The following CRADD variants were observed in gnomAD, a reference collection of about 807,000 sequenced individuals.
The protein encoded by CRADD is death domain-containing protein CRADD.
In CRADD, 9 loss-of-function variants were observed where a neutral mutation model predicts 15.5. The ratio of observed to expected loss-of-function variants is 0.58; its 90% CI spans 0.35 to 1.01. The LOEUF is 1.01. Ranked by LOEUF, CRADD falls within the 50% of genes least tolerant of loss-of-function variation. The pLI is 0.02. For synonymous variants in CRADD, 118 were observed against 107.6 expected, an observed-to-expected ratio of 1.10 and a Z score of -0.60; for missense variants, 227 against 250.3, an observed-to-expected ratio of 0.91 and a Z score of 0.63.
At chr12:93,735,653 C>T (rs781227469) in intron 2 of CRADD, 4 of 152,142 alleles carry the variant, frequency 2.6e-5, no homozygotes, top group Non-Finnish European at 5.9e-5. Context: ...GTAATCCCAG[C>T]ACTTTGGGAG....
chr12:93,689,547 C>T (rs1955518603), intron 2 of CRADD, among the ~76,000 whole-genome samples: 1 of 152,122 alleles, frequency 6.6e-6, no homozygotes. Context: ...GCAGGTTTTA[C>T]TCCTAGGCTT....
At chr12:93,808,625 G>A (rs1957576947) in intron 2 of CRADD, among the ~76,000 whole-genome samples, 1 of 152,084 alleles carries the variant, frequency 6.6e-6, no homozygotes, top group African/African-American at 2.4e-5. Context: ...ACATTGTCAG[G>A]TCACAGTATT....
chr12:93,858,437 T>A (rs531656741), intron 2 of CRADD, among the ~76,000 whole-genome samples: 2 of 152,350 alleles, frequency 1.3e-5, no homozygotes, highest in African/African-American at 4.8e-5. Context: ...GGCAGAAGAT[T>A]TCTTAACATC....
intron 2 of CRADD, among the ~76,000 whole-genome samples, chr12:93,710,716 G>A (rs1956050287): frequency 6.6e-6 from 1 of 152,106 alleles, no homozygotes; most frequent in Non-Finnish European, 1.5e-5. Context: ...TGGTCAAAAT[G>A]AGTCACAAGG....
chr12:93,751,509 A>G (rs1432345988), intron 2 of CRADD, among the ~76,000 whole-genome samples: 2 of 152,246 alleles, frequency 1.3e-5, no homozygotes, highest in Admixed American at 1.3e-4. Context: ...AAACTTCCCA[A>G]TCACTGCTTA....
intron 2 of CRADD, among the ~76,000 whole-genome samples, chr12:93,742,339 G>A (rs1208299660): frequency 2.0e-5 from 3 of 151,894 alleles, no homozygotes; most frequent in Non-Finnish European, 4.4e-5. Context: ...ACTGGTGAGT[G>A]CGGGGGCGCT....
intron 2 of CRADD, among the ~76,000 whole-genome samples, chr12:93,728,724 A>G (rs559989138): frequency 6.6e-6 from 1 of 152,352 alleles, no homozygotes; most frequent in South Asian, 2.1e-4. Context: ...AGAAAAAGTT[A>G]TAGCCTTAAG....
chr12:93,757,480 C>A (rs1956904386), intron 2 of CRADD, among the ~76,000 whole-genome samples: 1 of 152,222 alleles, frequency 6.6e-6, no homozygotes, highest in African/African-American at 2.4e-5. Context: ...GTGATACCCA[C>A]AAGCCTCCTG....
At chr12:93,746,797 T>G (rs994084075) in intron 2 of CRADD, among the ~76,000 whole-genome samples, 34 of 151,822 alleles carry the variant, frequency 2.2e-4, no homozygotes, top group African/African-American at 7.5e-4. Context: ...TTTTTTTTTT[T>G]GAAGAAGGAA....
chr12:93,861,974 G>T (rs577302295), intron 2 of CRADD, among the ~76,000 whole-genome samples: 1 of 152,058 alleles, frequency 6.6e-6, no homozygotes, highest in African/African-American at 2.4e-5. Flanking sequence ...TACTTTTCTC[G>T]TGGTAGTGAG....
Position 93,850,348 on chromosome 12 carries a change from G to A in CRADD, c.*77G>A, listed in dbSNP as rs982366717. ...ATCCTGACTTTCACTCAGAGCAGGT[G>A]GTTTTTTGTGTAGGTTTGTTTTTTA... On this transcript the variant is annotated 3_prime_UTR_variant, in exon 3 of 3. Transcript: ENST00000332896. This position sits in a 1 kb window ranked among gnomAD's most constrained non-coding sequence, Gnocchi z 4.0. 31 of 1,490,802 alleles carry A rather than the reference G, an allele frequency of 2.1e-5. No individual in the cohort carries two copies. The highest frequency in any genetic ancestry group is 2.6e-5 in the Non-Finnish European group (29 of 1,125,918). 92.3% of individuals were successfully genotyped at this position (1,490,802 alleles called of 1,614,324 possible).
At chr12:93,854,650 C>G (rs749765902), downstream of CRADD, among the ~76,000 whole-genome samples, 1 of 152,132 alleles carries the variant, frequency 6.6e-6, no homozygotes, top group Non-Finnish European at 1.5e-5. Context: ...CCTTGAATCA[C>G]AGTAACAGGC....
At chr12:93,797,659 T>C (rs1007959545) in intron 2 of CRADD, among the ~76,000 whole-genome samples, 3 of 152,174 alleles carry the variant, frequency 2.0e-5, no homozygotes, top group Admixed American at 6.5e-5. Flanking sequence ...ACCACCGCAA[T>C]AGGTAACTCA....
At chr12:93,737,078 G>A (rs1254685011) in intron 2 of CRADD, among the ~76,000 whole-genome samples, 4 of 152,228 alleles carry the variant, frequency 2.6e-5, no homozygotes, top group Non-Finnish European at 5.9e-5. Context: ...ACTGGTCTGG[G>A]ATAGTTGAGG....
intron 2 of CRADD, among the ~76,000 whole-genome samples, chr12:93,717,566 C>T (rs1956184117): frequency 1.3e-5 from 2 of 152,166 alleles, no homozygotes; most frequent in South Asian, 4.1e-4. Flanking sequence ...GTTGCCTAGG[C>T]TGGAGTGCAG....
At chr12:93,856,022 G>A (rs2137055358) in intron 2 of CRADD, among the ~76,000 whole-genome samples, 1 of 152,218 alleles carries the variant, frequency 6.6e-6, no homozygotes, top group African/African-American at 2.4e-5. Context: ...TGGCCAGGAT[G>A]GTCTCAATCT....
intron 2 of CRADD, among the ~76,000 whole-genome samples, chr12:93,891,259 C>T (rs1958574189): frequency 6.6e-6 from 1 of 151,882 alleles, no homozygotes; most frequent in Admixed American, 6.6e-5. Context: ...GAGGCCGAGA[C>T]AGGCAGATTG....
intron 2 of CRADD, among the ~76,000 whole-genome samples, chr12:93,681,986 CCTT>C (rs1335792442): frequency 2.6e-5 from 4 of 152,220 alleles, no homozygotes; most frequent in East Asian, 3.9e-4. Flanking sequence ...ATAGTTAACA[CCTT>C]CTCTTGTTTC....
At chr12:93,763,819 G>A (rs1642575636) in intron 2 of CRADD, among the ~76,000 whole-genome samples, 1 of 152,198 alleles carries the variant, frequency 6.6e-6, no homozygotes, top group Non-Finnish European at 1.5e-5. Flanking sequence ...TCTCAGGGAT[G>A]ACATGTGGGT....
Sources: gnomAD v4.1 joint callset for allele counts (sites outside exome capture counted in the v4.1 genomes callset) on GRCh38, gnomAD v4.1.1 for gene constraint, Gnocchi (gnomAD v3.1) non-coding constraint, MANE v1.5 for transcripts, NCBI Gene and HGNC (gene_info 2026-07-23, HGNC 2026-07-21) for gene names.